The following JARID2 variants were observed in gnomAD, a reference collection of about 807,000 sequenced individuals.
The protein encoded by JARID2 is jumonji and AT-rich interaction domain containing 2, also known as protein Jumonji.
JARID2 carries 21 observed loss-of-function variants against 125.6 expected under a neutral mutation model. The ratio of observed to expected loss-of-function variants is 0.17; its 90% confidence interval spans 0.12 to 0.24. The LOEUF (loss-of-function observed/expected upper bound fraction) is 0.24, where lower values mean the gene tolerates loss of function less well. Among genes scored for constraint, JARID2 ranks in the 10% least tolerant of loss-of-function variants. The pLI is 1.00. For missense variants in JARID2, 1,303 were observed against 1,639.6 expected, an observed-to-expected ratio of 0.79 and a Z score of 3.55; for synonymous variants, 736 against 661.6, an observed-to-expected ratio of 1.11 and a Z score of -1.73.
At position 15,423,128 on chromosome 6, in the gene JARID2, A is replaced by C. The variant is rs1581542199; in HGVS notation, c.323+12763A>C. Among the ~76,000 whole-genome samples, 4 of 151,936 alleles carry C rather than the reference A, an allele frequency of 2.6e-5. No individual in the cohort carries two copies. In the South Asian group the frequency reaches 8.3e-4, roughly 32 times the overall value. On this transcript the variant is annotated intron_variant, in intron 3 of 17. Transcript: ENST00000341776. The stretch of plus-strand genomic sequence containing the variant: ...GATCCTCCTGTCTCAGCCTCCAAGT[A>C]GGTGGGACTACAGGTATGTGCCACC...
chr6:15,500,867 T>C lies in JARID2; in HGVS notation c.1946-40T>C, dbSNP rs774120454. The C allele has an allele frequency of 5.2e-6, 8 of 1,549,216 alleles. No homozygotes were observed. The African/African-American group carries it at 1.1e-4, about 21-fold the overall frequency. On this transcript the variant is annotated intron_variant, in intron 7 of 17. Coordinates refer to ENST00000341776, the MANE Select transcript of JARID2 (RefSeq NM_004973.4). Reference sequence around the variant, plus strand: ...TGAGGAACATCTTGTTCGTGTCTCTTTCACTAACTGTCCCGTTTTTTTCCC... The same window carrying C: ...TGAGGAACATCTTGTTCGTGTCTCTCTCACTAACTGTCCCGTTTTTTTCCC...
chr6:15,411,397 A>G (rs1765869722), intron 3 of JARID2, among the ~76,000 whole-genome samples: 1 of 152,232 alleles, frequency 6.6e-6, no homozygotes, highest in South Asian at 2.1e-4. Flanking sequence ...TATTTTCTCC[A>G]TCATGAGGGT....
At chr6:15,512,609 A>C (rs1771332664) in intron 14 of JARID2, among the ~76,000 whole-genome samples, 1 of 152,178 alleles carries the variant, frequency 6.6e-6, no homozygotes, top group South Asian at 2.1e-4. Context: ...TCAGACCGTT[A>C]CTGACAGACC....
chr6:15,320,422 A>C (rs192055362), intron 1 of JARID2, among the ~76,000 whole-genome samples: 1 of 152,362 alleles, frequency 6.6e-6, no homozygotes, highest in African/African-American at 2.4e-5. Context: ...TAAGAAACTC[A>C]GTCATTGTTC....
intron 8 of JARID2, among the ~76,000 whole-genome samples, chr6:15,501,841 A>G (rs953026214): frequency 2.6e-5 from 4 of 152,146 alleles, no homozygotes; most frequent in African/African-American, 9.7e-5. Flanking sequence ...TCCATATGCC[A>G]GGGATAAGTA....
chr6:15,474,414 A>C (rs1769240902), intron 5 of JARID2, among the ~76,000 whole-genome samples: 1 of 150,048 alleles, frequency 6.7e-6, no homozygotes, highest in Non-Finnish European at 1.5e-5. Flanking sequence ...TTTCTTAGGA[A>C]TGTCTTTGCC....
At chr6:15,409,921 C>A (rs1765806030) in intron 2 of JARID2, among the ~76,000 whole-genome samples, 1 of 152,212 alleles carries the variant, frequency 6.6e-6, no homozygotes, top group Non-Finnish European at 1.5e-5. Flanking sequence ...AACCCTTTAG[C>A]TGCAAAAGAT....
chr6:15,447,548 TTA>T (rs1561868722), intron 3 of JARID2, among the ~76,000 whole-genome samples: 1 of 152,134 alleles, frequency 6.6e-6, no homozygotes, highest in African/African-American at 2.4e-5. Flanking sequence ...TCTCAAACAT[TTA>T]TGTTTTTACC....
At chr6:15,465,411 A>G (rs544535480) in intron 4 of JARID2, among the ~76,000 whole-genome samples, 1 of 152,328 alleles carries the variant, frequency 6.6e-6, no homozygotes, top group East Asian at 1.9e-4. Context: ...TGATCACACC[A>G]CTGCATTCCA....
At chr6:15,477,638 C>T (rs1362277449) in intron 5 of JARID2, among the ~76,000 whole-genome samples, 2 of 151,834 alleles carry the variant, frequency 1.3e-5, no homozygotes, top group Non-Finnish European at 2.9e-5. Flanking sequence ...TGGTTCAGAG[C>T]ATCATGATTA....
chr6:15,340,340 GCTGATTTCTGAGC>G (rs1463369076), intron 1 of JARID2, among the ~76,000 whole-genome samples: 1 of 152,182 alleles, frequency 6.6e-6, no homozygotes, highest in African/African-American at 2.4e-5. Context: ...ACAATAATGG[GCTGATTTCTGAGC>G]CTGATTCTCA....
chr6:15,343,320 C>G (rs967377160), intron 1 of JARID2, among the ~76,000 whole-genome samples: 2 of 146,892 alleles, frequency 1.4e-5, no homozygotes, highest in Admixed American at 6.8e-5. Flanking sequence ...TGAGCATGCT[C>G]TTCAAATTTT....
At chr6:15,333,148 G>A (rs1028509958) in intron 1 of JARID2, among the ~76,000 whole-genome samples, 1 of 151,742 alleles carries the variant, frequency 6.6e-6, no homozygotes, top group Non-Finnish European at 1.5e-5. Flanking sequence ...TAGCCAGGAT[G>A]GTCTTGATCT....
chr6:15,338,513 T>C (rs1163140019), intron 1 of JARID2, among the ~76,000 whole-genome samples: 1 of 152,250 alleles, frequency 6.6e-6, no homozygotes, highest in African/African-American at 2.4e-5. Context: ...AGGCCCCATA[T>C]GTGCAGGCTT....
rs1764442449 is a variant in JARID2 at position 15,378,197 on chromosome 6, A to AT, written c.181+3945_181+3946insT. Among the ~76,000 whole-genome samples the AT allele has an allele frequency of 6.1e-5, 5 of 81,778 alleles. No homozygotes were observed. In the Admixed American group the frequency reaches 6.3e-4, roughly 10 times the overall value. The allele number at this position is 81,778 out of a possible 152,430, so 53.6% of individuals were successfully genotyped here. On this transcript the variant is annotated intron_variant, in intron 2 of 17. Coordinates refer to ENST00000341776, the MANE Select transcript of JARID2 (RefSeq NM_004973.4). ...CCACCCCACCCGGCCCTCAATTTTT[A>AT]ATTTTTTTTTTTTTTTTGGTTAGTT...
chr6:15,504,642 G>A (rs760380803), intron 9 of JARID2, 50 bp downstream of exon 9: 60 of 1,262,386 alleles, frequency 4.8e-5, no homozygotes, highest in African/African-American at 1.5e-4. Flanking sequence ...GGAACCCCTC[G>A]GCGAGCTGGA....
At chr6:15,329,040 A>AT (rs1389297226) in intron 1 of JARID2, among the ~76,000 whole-genome samples, 14 of 152,184 alleles carry the variant, frequency 9.2e-5, no homozygotes, top group Non-Finnish European at 1.8e-4. Context: ...TTGGGGCCAC[A>AT]TGAGCATCTG....
intron 3 of JARID2, among the ~76,000 whole-genome samples, chr6:15,414,139 A>G (rs573840225): frequency 8.5e-5 from 13 of 152,292 alleles, no homozygotes; most frequent in African/African-American, 3.1e-4. Flanking sequence ...GGAAAGGGGA[A>G]GACTGAGAGG....
chr6:15,459,402 ATTG>A (rs1242170963), intron 4 of JARID2, among the ~76,000 whole-genome samples: 2 of 151,646 alleles, frequency 1.3e-5, no homozygotes, highest in Admixed American at 6.6e-5. Context: ...GTTAGATAAT[ATTG>A]TTTAGAGAAT....
Sources: allele counts gnomAD v4.1 joint callset (sites outside exome capture counted in the v4.1 genomes callset), GRCh38; gene constraint gnomAD v4.1.1; transcripts MANE v1.5; gene names NCBI Gene and HGNC (gene_info 2026-07-23, HGNC 2026-07-21).